Variants in LOXHD1 observed in about 807,000 individuals in gnomAD.
The protein encoded by LOXHD1 is lipoxygenase homology domain-containing protein 1.
In LOXHD1, 205 loss-of-function variants were observed where a neutral mutation model predicts 248.2. The ratio of observed to expected loss-of-function variants is 0.83; its 90% CI spans 0.74 to 0.93. The LOEUF (loss-of-function observed/expected upper bound fraction) is 0.93. LOXHD1 is among the 40% of genes least tolerant of loss of function. The pLI is 0.00. For missense variants in LOXHD1, 2,930 were observed against 2,971.6 expected (o/e 0.99, Z 0.33); for synonymous variants, 1,113 against 1,162.8 (o/e 0.96, Z 0.87).
chr18:46,649,280 A>T lies in LOXHD1; in HGVS notation c.131-11T>A, dbSNP rs866493564. 6 of 1,546,736 alleles carry T rather than the reference A, an allele frequency of 3.9e-6. No individual in the cohort carries two copies. Among genetic ancestry groups the T allele is most frequent in the Middle Eastern group, 3.4e-4 (2 of 5,956 alleles). On this transcript the variant is annotated splice_polypyrimidine_tract_variant and intron_variant, in intron 1 of 40. Coordinates refer to ENST00000642948, the MANE Select transcript of LOXHD1 (RefSeq NM_001384474.1). ...TGACCACTTCATACACTGGAGGAGGAGAGGAGGAGACAGATTGCAGGCTCA... is the reference window on the plus strand; with the variant it reads ...TGACCACTTCATACACTGGAGGAGGTGAGGAGGAGACAGATTGCAGGCTCA...
intron 28 of LOXHD1, among the ~76,000 whole-genome samples, chr18:46,532,146 G>GGTGGA (rs1327344559): frequency 1.3e-5 from 2 of 152,170 alleles, no homozygotes; most frequent in Non-Finnish European, 2.9e-5. Context: ...ACAAATTTAA[G>GGTGGA]GTGGATTTTC....
Position 46,521,205 on chromosome 18 carries a change from G to A in LOXHD1, c.5163C>T (p.Thr1721=), listed in dbSNP as rs2035563292. 1.9e-6 allele frequency: 3 copies of A among 1,551,586 alleles called. No individual in the cohort carries two copies. The highest frequency in any genetic ancestry group is 2.4e-5 in the South Asian group (2 of 84,066). The change falls in exon 33 of 41, where the codon ACC becomes ACT. Residue 1721 remains threonine (T), a synonymous_variant. Transcript: ENST00000642948. ...ELCLAVPTQG[T]KYMLNCNCWL... is the part of the protein sequence containing the mutation. ...AGCAGTTACAGTTCAACATGTACTT[G>A]GTGCCCTGGGTGGGCACTGCCAAAC...
intron 18 of LOXHD1, among the ~76,000 whole-genome samples, chr18:46,561,920 C>T (rs1343910427): frequency 6.6e-6 from 1 of 152,232 alleles, no homozygotes; most frequent in East Asian, 1.9e-4. Context: ...ACTGGCCTCC[C>T]TCACATCTGT....
At chr18:46,567,790 T>A (rs949352579) in intron 16 of LOXHD1, among the ~76,000 whole-genome samples, 3 of 152,212 alleles carry the variant, frequency 2.0e-5, no homozygotes, top group Non-Finnish European at 4.4e-5. Flanking sequence ...TTAAATAACT[T>A]ACATATGGCA....
chr18:46,619,640 C>A (rs1355651543), intron 4 of LOXHD1, among the ~76,000 whole-genome samples: 1 of 152,176 alleles, frequency 6.6e-6, no homozygotes, highest in Non-Finnish European at 1.5e-5. Flanking sequence ...TTGCTCAGGG[C>A]AAAGGACTGA....
intron 4 of LOXHD1, among the ~76,000 whole-genome samples, chr18:46,619,701 C>T (rs573720756): frequency 2.0e-5 from 3 of 152,308 alleles, no homozygotes; most frequent in East Asian, 1.9e-4. Flanking sequence ...AGAGGTGACA[C>T]GGTGCAGGAT....
At chr18:46,626,972 C>T (rs2038751400) in intron 4 of LOXHD1, among the ~76,000 whole-genome samples, 1 of 152,168 alleles carries the variant, frequency 6.6e-6, no homozygotes, top group Non-Finnish European at 1.5e-5. Flanking sequence ...GTAAGTGCTG[C>T]ATAAAAATCA....
At chr18:46,516,360 G>A (rs2035248987) in intron 34 of LOXHD1, among the ~76,000 whole-genome samples, 1 of 152,212 alleles carries the variant, frequency 6.6e-6, no homozygotes, top group Admixed American at 6.5e-5. Context: ...TATCACGACT[G>A]CTGTTGATAT....
chr18:46,610,750 G>T (rs1301166456), intron 6 of LOXHD1, 26 bp downstream of exon 6: 2 of 1,539,648 alleles, frequency 1.3e-6, no homozygotes, highest in African/African-American at 2.8e-5. Context: ...AGGCCACAGG[G>T]ACTGCAGAGA....
rs139620178 is a variant in LOXHD1, at chr18:46,551,591, A to G, written c.3351-4533T>C. On this transcript the variant is annotated intron_variant, in intron 21 of 40. Transcript: ENST00000642948. ...ACATCACTATTAATAAAAAAAATCAATCTAGTGCCTTTGTAAACTGTCATT... is the reference window on the plus strand; with the variant it reads ...ACATCACTATTAATAAAAAAAATCAGTCTAGTGCCTTTGTAAACTGTCATT... Among the ~76,000 whole-genome samples, 103 of 152,306 alleles carry G rather than the reference A, an allele frequency of 6.8e-4. 1 individual carries two copies. Among genetic ancestry groups the G allele is most frequent in the South Asian group, 2.9e-3 (14 of 4,820 alleles).
Position 46,477,729 on chromosome 18 carries a change from C to T in LOXHD1, c.6565G>A (p.Glu2189Lys), listed in dbSNP as rs1054650272. 3 of 1,551,822 alleles carry T rather than the reference C, an allele frequency of 1.9e-6. No homozygotes were observed. The highest frequency in any genetic ancestry group is 3.9e-5 in the Admixed American group (2 of 50,996). The change falls in exon 41 of 41, where the codon GAG becomes AAG. Residue 2189 changes from glutamate to lysine, a missense_variant. Physicochemically the swap from Glu to Lys is moderately conservative, Grantham distance 56. Transcript: ENST00000642948. ...AGGTTGCGCATTTTCTGCTTCAGCT[C>T]CCGCTTGCCTGTGTCTCCGTTGGCC... Reference protein sequence around the residue: ...FGANGDTGKRELKQKMRNLFE... With the variant: ...FGANGDTGKRKLKQKMRNLFE...
intron 1 of LOXHD1, among the ~76,000 whole-genome samples, chr18:46,654,248 G>A (rs1035526539): frequency 5.9e-5 from 9 of 152,234 alleles, no homozygotes; most frequent in African/African-American, 2.2e-4. Context: ...TAAATCACCA[G>A]TCTCAGGTAT....
At chr18:46,654,790 C>T (rs2039158883) in intron 1 of LOXHD1, among the ~76,000 whole-genome samples, 1 of 152,190 alleles carries the variant, frequency 6.6e-6, no homozygotes, top group South Asian at 2.1e-4. Flanking sequence ...TAGCATCATC[C>T]ACATTTATAG....
intron 40 of LOXHD1, 114 bp from the exon 41 acceptor site, chr18:46,478,066 G>A: frequency 7.4e-7 from 1 of 1,343,234 alleles, no homozygotes; most frequent in Non-Finnish European, 1.0e-6. Flanking sequence ...CAAGGTGATG[G>A]GATATTGGAG....
At position 46,639,673 on chromosome 18, in the gene LOXHD1, C is replaced by G. The variant is rs1300382386; in HGVS notation, c.454G>C (p.Asp152His). Residue 152 changes from aspartate (D) to histidine (H), a missense_variant, in exon 4 of 41, where the codon GAC becomes CAC. Transcript: ENST00000642948. ...AGCAGGTCACGGCACCACTGGCGGT[C>G]ACCTTCCACCTTGCTCAGCCAGTTG... ...CNNWLSKVEG[D>H]RQWCRDLLAS... 6.4e-7 allele frequency: 1 copy of G among 1,551,600 alleles called. No homozygotes were observed. The highest frequency in any genetic ancestry group is 2.0e-5 in the Admixed American group (1 of 50,988).
At chr18:46,544,875 T>C (rs1166808523) in intron 23 of LOXHD1, 1 of 472,260 alleles carries the variant, frequency 2.1e-6, no homozygotes, top group Non-Finnish European at 4.4e-6. Flanking sequence ...TGATGACTAC[T>C]TGAGGGACTG....
chr18:46,610,789 C>T lies in LOXHD1; in HGVS notation c.746G>A (p.Trp249Ter), dbSNP rs1248889536. 6.4e-7 allele frequency: 1 copy of T among 1,551,198 alleles called. No homozygotes were observed. ...GHNNKGGSAG[W>*]FLSQIVIEDI... ...AGCTGAACTCACCTGGGACAGGAAC[C>T]AACCTGCAGAGCCCCCCTTATTGTT... is the stretch of plus-strand genomic sequence containing the variant. Residue 249 changes from tryptophan to a stop codon, truncating the protein, a stop_gained, in exon 6 of 41, where the codon TGG (tryptophan) becomes TAG (stop). Transcript: ENST00000642948. LOFTEE classifies it high-confidence loss of function.
At chr18:46,508,406 A>G (rs573477141) in intron 35 of LOXHD1, among the ~76,000 whole-genome samples, 122 of 152,294 alleles carry the variant, frequency 8.0e-4, no homozygotes, top group Admixed American at 1.6e-3. Flanking sequence ...CCACCCAGAC[A>G]TGCACCCAGA....
At position 46,505,995 on chromosome 18, in the gene LOXHD1, G is replaced by A. The variant is rs1469127142; in HGVS notation, c.5721C>T (p.Ile1907=). 15 of 1,552,304 alleles carry A rather than the reference G, an allele frequency of 9.7e-6. No homozygotes were observed. Among genetic ancestry groups the A allele is most frequent in the Non-Finnish European group, 1.3e-5 (15 of 1,147,120 alleles). The change falls in exon 37 of 41, where the codon ATC becomes ATT. Residue 1907 remains isoleucine (I), a synonymous_variant. Coordinates refer to ENST00000642948, the MANE Select transcript of LOXHD1 (RefSeq NM_001384474.1). ...TATCCCCGTTCTCCCCGAAGATGAT[G>A]ATGAACACGTTGGCATCAGTGCCTG... ...LGAGTDANVF[I]IIFGENGDSG...
Sources: gnomAD v4.1 joint callset for allele counts (sites outside exome capture counted in the v4.1 genomes callset) on GRCh38, gnomAD v4.1.1 for gene constraint, MANE v1.5 for transcripts, NCBI Gene and HGNC (gene_info 2026-07-23, HGNC 2026-07-21) for gene names.